The following PCDHGA7 variants were observed in gnomAD, a reference collection of about 807,000 sequenced individuals.
The protein encoded by PCDHGA7 is protocadherin gamma-A7.
PCDHGA7 carries 44 observed loss-of-function variants against 58.3 expected under a neutral mutation model. The observed-to-expected ratio is 0.75, with a 90% CI of 0.59 to 0.97. PCDHGA7 has a LOEUF of 0.97. Among genes scored for constraint, PCDHGA7 ranks in the 50% least tolerant of loss-of-function variants. PCDHGA7 has a pLI of 0.00. For missense variants in PCDHGA7, 1,266 were observed against 1,188.7 expected (o/e 1.06, Z -0.96); for synonymous variants, 516 against 504.2 (o/e 1.02, Z -0.31).
intron 1 of PCDHGA7, chr5:141,421,214 G>T (rs1469085534): frequency 5.1e-6 from 8 of 1,561,612 alleles, no homozygotes; most frequent in Non-Finnish European, 6.9e-6. Flanking sequence ...CGGAATATCG[G>T]CTTAGAGCCT....
intron 1 of PCDHGA7, chr5:141,423,883 A>T (rs1211746978): frequency 1.6e-6 from 2 of 1,283,342 alleles, no homozygotes; most frequent in Admixed American, 7.5e-5. Context: ...CAATCTTGGC[A>T]TATTTTCTTT....
chr5:141,405,330 T>A, intron 1 of PCDHGA7: 1 of 1,614,206 alleles, frequency 6.2e-7, no homozygotes. Flanking sequence ...CCTTTGTGCG[T>A]CTCTGTTGAT....
At chr5:141,387,570 A>T (rs1490079513) in intron 1 of PCDHGA7, 4 of 455,052 alleles carry the variant, frequency 8.8e-6, no homozygotes, top group Non-Finnish European at 1.2e-5. Flanking sequence ...CACAATTATA[A>T]TTATTGCACT....
At chr5:141,419,210 GTTT>G in intron 1 of PCDHGA7, 1 of 1,613,926 alleles carries the variant, frequency 6.2e-7, no homozygotes, top group East Asian at 2.2e-5. Flanking sequence ...CAACGCGCCG[GTTT>G]TCGGACAGTC....
intron 1 of PCDHGA7, chr5:141,390,321 C>G: frequency 6.2e-7 from 1 of 1,607,082 alleles, no homozygotes; most frequent in Non-Finnish European, 8.5e-7. Flanking sequence ...TCATTGCCTA[C>G]CCATTTCTCC....
At chr5:141,409,867 C>T (rs376725837) in intron 1 of PCDHGA7, 35 of 1,612,662 alleles carry the variant, frequency 2.2e-5, no homozygotes, top group African/African-American at 2.1e-4. Flanking sequence ...TGGGAGACCG[C>T]AATGACAACG....
intron 1 of PCDHGA7, among the ~76,000 whole-genome samples, chr5:141,492,782 C>T (rs2099743868): frequency 6.6e-6 from 1 of 152,258 alleles, no homozygotes; most frequent in Non-Finnish European, 1.5e-5. Context: ...GAGTGAGCCT[C>T]TATAGGACAG....
intron 1 of PCDHGA7, chr5:141,478,647 T>G (rs2099469515): frequency 6.4e-7 from 1 of 1,552,152 alleles, no homozygotes; most frequent in Non-Finnish European, 8.7e-7. Flanking sequence ...GAAGATGTTT[T>G]CCTGGTGATG....
Position 141,485,618 on chromosome 5 carries a change from G to A in PCDHGA7, c.2425-9189G>A, listed in dbSNP as rs2099616729. 2.5e-6 allele frequency: 4 copies of A among 1,612,092 alleles called. No individual in the cohort carries two copies. Among genetic ancestry groups the A allele is most frequent in the Non-Finnish European group, 3.4e-6 (4 of 1,178,672 alleles). On this transcript the variant is annotated intron_variant, in intron 1 of 3. Coordinates refer to ENST00000518325, the MANE Select transcript of PCDHGA7 (RefSeq NM_018920.4). This position sits in a 1 kb window ranked among gnomAD's most constrained non-coding sequence, Gnocchi z 5.7. The stretch of plus-strand genomic sequence containing the variant: ...GGAAATTGGGGAGGCAGCTCCTCCA[G>A]GACAGCGTTTCCCGTTGGAAAAGGC...
At chr5:141,478,189 C>T (rs774322691) in intron 1 of PCDHGA7, 1 of 1,614,020 alleles carries the variant, frequency 6.2e-7, no homozygotes, top group South Asian at 1.1e-5. Context: ...AAAATCTCAC[C>T]TTTTATCTAC....
intron 1 of PCDHGA7, among the ~76,000 whole-genome samples, chr5:141,464,630 T>C (rs981288560): frequency 1.3e-5 from 2 of 152,176 alleles, no homozygotes; most frequent in African/African-American, 4.8e-5. Context: ...AGCTTTTTAA[T>C]TGTTGCCAAC....
intron 1 of PCDHGA7, among the ~76,000 whole-genome samples, chr5:141,483,631 T>C (rs973545851): frequency 2.7e-5 from 4 of 149,022 alleles, no homozygotes; most frequent in African/African-American, 1.0e-4. Flanking sequence ...TGGGAGAAGG[T>C]ATAGAGGGGT....
intron 1 of PCDHGA7, chr5:141,421,852 C>T: frequency 6.2e-7 from 1 of 1,613,770 alleles, no homozygotes; most frequent in South Asian, 1.1e-5. Context: ...AGAGGCTGCT[C>T]ACCTGCTCCT....
Position 141,400,535 on chromosome 5 carries a change from T to C in PCDHGA7, c.2424+15212T>C, listed in dbSNP as rs753705723. 2.5e-6 allele frequency: 4 copies of C among 1,613,958 alleles called. No individual in the cohort carries two copies. In the South Asian group the frequency reaches 4.4e-5, roughly 18 times the overall value. ...TCCCATCCTGAGTTGGTGAGTTTCATTTATGTCTATTCTTTTTCATTACCC... is the reference window on the plus strand; with the variant it reads ...TCCCATCCTGAGTTGGTGAGTTTCACTTATGTCTATTCTTTTTCATTACCC... On this transcript the variant is annotated intron_variant, in intron 1 of 3. Transcript: ENST00000518325.
chr5:141,493,336 A>G lies in PCDHGA7; in HGVS notation c.2425-1471A>G, dbSNP rs1049621539. Among the ~76,000 whole-genome samples, 4 of 152,202 alleles carry G rather than the reference A, an allele frequency of 2.6e-5. No homozygotes were observed. Among genetic ancestry groups the G allele is most frequent in the African/African-American group, 9.7e-5 (4 of 41,450 alleles). On this transcript the variant is annotated intron_variant, in intron 1 of 3. Transcript: ENST00000518325. The surrounding 1 kb of genome is among the most constrained non-coding windows in gnomAD (Gnocchi z 4.3). ...GAGATTCTAACCCCTGTCTAACTCC[A>G]GAATGTGTGCTTTTAATTTCTTGGC...
chr5:141,511,031 A>G lies in PCDHGA7; in HGVS notation c.2657A>G (p.Gln886Arg). 6.2e-7 allele frequency: 1 copy of G among 1,614,244 alleles called. No individual in the cohort carries two copies. The highest frequency in any genetic ancestry group is 8.5e-7 in the Non-Finnish European group (1 of 1,180,034). ...SARYGPQFTL[Q>R]HVPDYRQNVY... Reference sequence around the variant, plus strand: ...CGCTACGGACCCCAGTTCACCCTGCAGCACGTGCCCGACTACCGCCAGAAT... The same window carrying G: ...CGCTACGGACCCCAGTTCACCCTGCGGCACGTGCCCGACTACCGCCAGAAT... The change falls in exon 4 of 4, where the codon CAG (glutamine) becomes CGG (arginine). Residue 886 changes from glutamine to arginine, a missense_variant. Gln to Arg is a conservative substitution (Grantham distance 43). Coordinates refer to ENST00000518325, the MANE Select transcript of PCDHGA7 (RefSeq NM_018920.4).
At chr5:141,394,001 G>C in intron 1 of PCDHGA7, 1 of 1,613,458 alleles carries the variant, frequency 6.2e-7, no homozygotes, top group Non-Finnish European at 8.5e-7. Flanking sequence ...AATTAGAAAA[G>C]TCAATAGGTA....
Position 141,384,974 on chromosome 5 carries a change from AC to A in PCDHGA7, c.2077del (p.Leu693TrpfsTer13), listed in dbSNP as rs1780722542. On this transcript the variant is annotated frameshift_variant, in exon 1 of 4. Coordinates refer to ENST00000518325, the MANE Select transcript of PCDHGA7 (RefSeq NM_018920.4). LOFTEE classifies it high-confidence loss of function. Reference protein sequence around the residue: ...DGPYNYDLTLYLVVAVATVSC... With the variant: ...DGPYNYDLTLXLVVAVATVSC... The stretch of plus-strand genomic sequence containing the variant: ...CCTTACAACTATGACCTCACGTTGT[AC>A]CTGGTGGTGGCGGTGGCCACAGTCT... 6.2e-7 allele frequency: 1 copy of A among 1,613,712 alleles called. No homozygotes were observed. The highest frequency in any genetic ancestry group is 8.5e-7 in the Non-Finnish European group (1 of 1,179,984).
At chr5:141,500,436 C>G (rs1318326111) in intron 2 of PCDHGA7, among the ~76,000 whole-genome samples, 2 of 151,836 alleles carry the variant, frequency 1.3e-5, no homozygotes, top group African/African-American at 2.4e-5. Flanking sequence ...GTCTCGATCT[C>G]CTGACCTCGT....
Sources: gnomAD v4.1 joint callset for allele counts (sites outside exome capture counted in the v4.1 genomes callset) on GRCh38, gnomAD v4.1.1 for gene constraint, Gnocchi (gnomAD v3.1) non-coding constraint, MANE v1.5 for transcripts, NCBI Gene and HGNC (gene_info 2026-07-23, HGNC 2026-07-21) for gene names.